OSBPL10: variants seen among roughly 807,000 people sequenced by gnomAD.
OSBPL10 encodes oxysterol binding protein like 10, also known as oxysterol-binding protein-related protein 10.
OSBPL10 carries 49 observed loss-of-function variants against 81.7 expected under a neutral mutation model. The observed-to-expected ratio is 0.60, with a 90% CI of 0.48 to 0.76. OSBPL10 has a LOEUF of 0.76. OSBPL10 is among the 30% of genes least tolerant of loss of function. The pLI is 0.00. For missense variants in OSBPL10, 923 were observed against 987.8 expected (o/e 0.93, Z 0.88); for synonymous variants, 419 against 383.6 (o/e 1.09, Z -1.08).
intron 3 of OSBPL10, among the ~76,000 whole-genome samples, chr3:31,843,363 C>T (rs1292212669): frequency 6.6e-6 from 1 of 152,190 alleles, no homozygotes; most frequent in Non-Finnish European, 1.5e-5. Context: ...CAAGGGTAGC[C>T]AGTGGGATTT....
chr3:31,797,979 T>C (rs979973253), intron 4 of OSBPL10: 8 of 308,406 alleles, frequency 2.6e-5, no homozygotes, highest in African/African-American at 1.8e-4. Flanking sequence ...TATATATCGT[T>C]CCAAACTCTG....
intron 4 of OSBPL10, among the ~76,000 whole-genome samples, chr3:31,796,497 G>A (rs913886591): frequency 6.6e-6 from 1 of 152,008 alleles, no homozygotes; most frequent in African/African-American, 2.4e-5. Context: ...ATCTGAAGTG[G>A]GTCCTAGAAC....
chr3:31,739,450 A>G lies in OSBPL10; in HGVS notation c.941-6039T>C, dbSNP rs541213634. On this transcript the variant is annotated intron_variant, in intron 5 of 11. Coordinates refer to ENST00000396556, the MANE Select transcript of OSBPL10 (RefSeq NM_017784.5). ...CAAGATTCATATGTTGAAGTCCTAA[A>G]CCCCAATGTGACCATATTTTGAAAA... is the stretch of plus-strand genomic sequence containing the variant. Among the ~76,000 whole-genome samples, 167 of 152,270 alleles carry G rather than the reference A, an allele frequency of 1.1e-3. 1 individual carries two copies. The highest frequency in any genetic ancestry group is 3.9e-3 in the African/African-American group (161 of 41,550).
chr3:32,050,626 C>T (rs1174862011), intron 1 of OSBPL10, among the ~76,000 whole-genome samples: 1 of 151,744 alleles, frequency 6.6e-6, no homozygotes, highest in Non-Finnish European at 1.5e-5. Context: ...GGCTGTTTGG[C>T]CTGGCTAAAG....
chr3:31,795,184 G>T (rs1902336), intron 4 of OSBPL10: 86,147 of 132,680 alleles, frequency 0.65, 28,172 homozygotes, highest in East Asian at 0.82. Flanking sequence ...TCACTCTGTT[G>T]CCCAGGCTGG....
rs60287692 is a variant in OSBPL10, at chr3:32,008,567, C to CA, written n.298+37923dup. Among the ~76,000 whole-genome samples, 1,358 of 137,012 alleles carry CA rather than the reference C, an allele frequency of 9.9e-3. 8 individuals carry two copies. The highest frequency in any genetic ancestry group is 0.017 in the Non-Finnish European group (1,060 of 62,138). 89.9% of individuals were successfully genotyped at this position (137,012 alleles called of 152,430 possible). A position where few individuals can be genotyped will look rare whatever the true frequency, so the allele number is the denominator to read the frequency against. Reference sequence around the variant, plus strand: ...GCAACATGGCCAAACCCCGTTTCTACAAAAAAAAAAAGACAAAAAAAAACC... The same window carrying CA: ...GCAACATGGCCAAACCCCGTTTCTACAAAAAAAAAAAAGACAAAAAAAAACC... On this transcript the variant is annotated intron_variant and non_coding_transcript_variant, in intron 2 of 3. Coordinates refer to the OSBPL10 transcript ENST00000479173.
At chr3:31,831,737 C>T (rs1700247458) in intron 3 of OSBPL10, among the ~76,000 whole-genome samples, 1 of 152,182 alleles carries the variant, frequency 6.6e-6, no homozygotes, top group South Asian at 2.1e-4. Context: ...AGTCTGAGTA[C>T]ACAATCTGTC....
chr3:31,810,647 T>C (rs914619517), intron 4 of OSBPL10, among the ~76,000 whole-genome samples: 3 of 152,286 alleles, frequency 2.0e-5, no homozygotes, highest in Non-Finnish European at 4.4e-5. Context: ...CATGAACAGT[T>C]TTCAGGAAAG....
chr3:31,924,842 A>G (rs919626917), intron 1 of OSBPL10, among the ~76,000 whole-genome samples: 1 of 132,536 alleles, frequency 7.5e-6, no homozygotes, highest in Non-Finnish European at 1.6e-5. Context: ...AAAAACAAGC[A>G]GCAGACTAGA....
At chr3:31,688,283 TCACACA>T (rs55643097) in intron 7 of OSBPL10, among the ~76,000 whole-genome samples, 72 of 115,480 alleles carry the variant, frequency 6.2e-4, no homozygotes, top group African/African-American at 2.1e-3. Context: ...TCTCTCTCTC[TCACACA>T]CACACACACA....
In OSBPL10 at chr3:32,066,161, A is replaced by G. The variant is rs796499722; in HGVS notation, n.185+11235T>C. ...AAAGGGAAGAAAGGAAGAAAGGAAG[A>G]AAGGAAGGAAGGAAGGAAGGAAGGA... On this transcript the variant is annotated intron_variant and non_coding_transcript_variant, in intron 1 of 3. Coordinates refer to the OSBPL10 transcript ENST00000479173. Among the ~76,000 whole-genome samples, 285 of 53,482 alleles carry G rather than the reference A, an allele frequency of 5.3e-3. 73 individuals carry two copies. Among genetic ancestry groups the G allele is most frequent in the South Asian group, 0.043 (41 of 954 alleles). The allele number at this position is 53,482 out of a possible 152,430, so 35.1% of individuals were successfully genotyped here.
intron 1 of OSBPL10, among the ~76,000 whole-genome samples, chr3:31,917,736 G>T (rs189087101): frequency 1.3e-5 from 2 of 149,472 alleles, no homozygotes; most frequent in East Asian, 2.0e-4. Flanking sequence ...CTGGACTAAC[G>T]CACTCTTTTT....
rs532688862 is a variant in OSBPL10, at chr3:31,783,785, C to T, written c.730-35665G>A. On this transcript the variant is annotated intron_variant, in intron 4 of 11. Coordinates refer to ENST00000396556, the MANE Select transcript of OSBPL10 (RefSeq NM_017784.5). ...CAGACTGGGTGACAGAGCAAGACTC[C>T]GATTAAAAAAAAAAAAAAAAAAAAA... Among the ~76,000 whole-genome samples the T allele has an allele frequency of 1.8e-4, 5 of 27,994 alleles. No individual in the cohort carries two copies. In the Admixed American group the frequency reaches 2.8e-3, roughly 16 times the overall value. The allele number at this position is 27,994 out of a possible 152,430, so 18.4% of individuals were successfully genotyped here.
intron 1 of OSBPL10, among the ~76,000 whole-genome samples, chr3:32,059,133 C>T (rs1193259739): frequency 1.3e-5 from 2 of 151,842 alleles, no homozygotes; most frequent in African/African-American, 2.4e-5. Flanking sequence ...CCTGTCTCTA[C>T]AAAAATACAA....
At chr3:31,852,385 G>A (rs998461760) in intron 3 of OSBPL10, among the ~76,000 whole-genome samples, 3 of 152,062 alleles carry the variant, frequency 2.0e-5, no homozygotes, top group African/African-American at 4.8e-5. Flanking sequence ...CATGACAACC[G>A]CTTCACAACA....
At chr3:31,823,250 A>C (rs1195608126) in intron 4 of OSBPL10, among the ~76,000 whole-genome samples, 3 of 152,208 alleles carry the variant, frequency 2.0e-5, no homozygotes, top group East Asian at 3.8e-4. Flanking sequence ...TCCATATGCC[A>C]TTTTAAAAGA....
intron 1 of OSBPL10, among the ~76,000 whole-genome samples, chr3:32,072,369 G>A (rs1699837630): frequency 1.3e-5 from 2 of 152,140 alleles, no homozygotes; most frequent in South Asian, 4.1e-4. Context: ...TCCAACTTCT[G>A]TCCCTCACGG....
chr3:31,933,799 T>A (rs1697312924), intron 1 of OSBPL10, among the ~76,000 whole-genome samples: 2 of 152,098 alleles, frequency 1.3e-5, no homozygotes, highest in Admixed American at 1.3e-4. Context: ...CAAGGGGTAT[T>A]CAAATTACAA....
intron 2 of OSBPL10, among the ~76,000 whole-genome samples, chr3:32,015,489 T>C (rs1373801108): frequency 6.6e-6 from 1 of 152,168 alleles, no homozygotes; most frequent in African/African-American, 2.4e-5. Context: ...CCTAAAACCA[T>C]AAAAACTCTA....
Sources: gnomAD v4.1 joint callset for allele counts (sites outside exome capture counted in the v4.1 genomes callset) on GRCh38, gnomAD v4.1.1 for gene constraint, MANE v1.5 for transcripts, NCBI Gene and HGNC (gene_info 2026-07-23, HGNC 2026-07-21) for gene names.